The following RGS7BP variants were observed in gnomAD, a reference collection of about 807,000 sequenced individuals.
The protein encoded by RGS7BP is regulator of G protein signaling 7 binding protein.
In RGS7BP, 9 loss-of-function variants were observed where a neutral mutation model predicts 31.3. The observed-to-expected ratio is 0.29, with a 90% CI of 0.17 to 0.50. The LOEUF (loss-of-function observed/expected upper bound fraction) is 0.50. RGS7BP is among the 20% of genes least tolerant of loss of function. RGS7BP has a pLI of 0.98. For synonymous variants in RGS7BP, 115 were observed against 120.1 expected, an observed-to-expected ratio of 0.96 and a Z score of 0.28; for missense variants, 274 against 322.0, an observed-to-expected ratio of 0.85 and a Z score of 1.14.
intron 5 of RGS7BP, among the ~76,000 whole-genome samples, chr5:64,602,733 C>T (rs939041940): frequency 2.6e-5 from 4 of 152,092 alleles, no homozygotes; most frequent in African/African-American, 9.7e-5. Flanking sequence ...CACACACAAT[C>T]GGAAAGACGC....
chr5:64,610,007 T>C lies in RGS7BP; in HGVS notation c.*755T>C, dbSNP rs897836286. 9 of 152,440 alleles carry C rather than the reference T, an allele frequency of 5.9e-5. No individual in the cohort carries two copies. The Admixed American group carries it at 5.9e-4, about 10-fold the overall frequency. The allele number at this position is 152,440 out of a possible 1,614,324, so 9.4% of individuals were successfully genotyped here. ...AGAATGAAGTAATCCAGTTAGGAAA[T>C]GGTGTAGTAACATATACAATTGCCC... On this transcript the variant is annotated 3_prime_UTR_variant, in exon 6 of 6. Coordinates refer to ENST00000334025, the MANE Select transcript of RGS7BP (RefSeq NM_001029875.3).
chr5:64,609,210 G>T lies in RGS7BP; in HGVS notation c.732G>T (p.Arg244=). Residue 244 remains arginine (R), a synonymous_variant, in exon 6 of 6, where the codon CGG becomes CGT. Coordinates refer to ENST00000334025, the MANE Select transcript of RGS7BP (RefSeq NM_001029875.3). ...NLTPYPLVRR[R]KRRFFGLCCL... The stretch of plus-strand genomic sequence containing the variant: ...CTCCCTACCCCCTGGTGAGAAGACG[G>T]AAGAGAAGGTTCTTTGGGCTGTGTT... 6.2e-7 allele frequency: 1 copy of T among 1,611,668 alleles called. No homozygotes were observed. The highest frequency in any genetic ancestry group is 8.5e-7 in the Non-Finnish European group (1 of 1,178,112).
chr5:64,519,874 T>C (rs1178382883), intron 2 of RGS7BP, among the ~76,000 whole-genome samples: 1 of 152,184 alleles, frequency 6.6e-6, no homozygotes, highest in African/African-American at 2.4e-5. Context: ...CAGAGTGGCC[T>C]CATCATAGAG....
intron 2 of RGS7BP, among the ~76,000 whole-genome samples, chr5:64,527,322 C>A (rs1001536879): frequency 1.3e-5 from 2 of 152,106 alleles, no homozygotes; most frequent in Non-Finnish European, 2.9e-5. Flanking sequence ...GGCTCCACCC[C>A]AGATCAATTA....
At chr5:64,527,431 G>A (rs760744837) in intron 2 of RGS7BP, among the ~76,000 whole-genome samples, 5 of 152,152 alleles carry the variant, frequency 3.3e-5, no homozygotes, top group Admixed American at 6.5e-5. Context: ...TACTGGTATG[G>A]AGGAAAGAGG....
chr5:64,536,544 TCACAGA>T (rs1741366109), intron 2 of RGS7BP, among the ~76,000 whole-genome samples: 4 of 152,330 alleles, frequency 2.6e-5, no homozygotes, highest in Admixed American at 1.3e-4. Flanking sequence ...AGTGTGCAAA[TCACAGA>T]CATTACTTTC....
chr5:64,572,304 T>G (rs1472427993), intron 2 of RGS7BP, among the ~76,000 whole-genome samples: 1 of 152,198 alleles, frequency 6.6e-6, no homozygotes, highest in African/African-American at 2.4e-5. Context: ...ATAACGCAAA[T>G]GCTCTTAATG....
At chr5:64,577,950 T>C (rs1015914) in intron 3 of RGS7BP, among the ~76,000 whole-genome samples, 128,840 of 152,208 alleles carry the variant, frequency 0.85, 54,898 homozygotes, top group African/African-American at 0.91. Flanking sequence ...TCTCTACTCC[T>C]AGTCCTGCTG....
chr5:64,566,776 A>G (rs530968736), intron 2 of RGS7BP, among the ~76,000 whole-genome samples: 1 of 152,036 alleles, frequency 6.6e-6, no homozygotes, highest in South Asian at 2.1e-4. Context: ...CTGTATGGTC[A>G]CCACGGTTGC....
rs1743021336 is a variant in RGS7BP, at chr5:64,594,838, G to A, written c.592G>A (p.Asp198Asn). Residue 198 changes from aspartate to asparagine, a missense_variant, in exon 4 of 6, where the codon GAC becomes AAC. Physicochemically the swap from Asp to Asn is conservative, Grantham distance 23. Coordinates refer to ENST00000334025, the MANE Select transcript of RGS7BP (RefSeq NM_001029875.3). ...SQQHSWQVST[D>N]IENTERDMRE... is the part of the protein sequence containing the mutation. Reference sequence around the variant, plus strand: ...GCAACATTCCTGGCAGGTTTCCACAGACATTGAGAACACTGAAAGGTAAGT... The same window carrying A: ...GCAACATTCCTGGCAGGTTTCCACAAACATTGAGAACACTGAAAGGTAAGT... 2 of 1,613,514 alleles carry A rather than the reference G, an allele frequency of 1.2e-6. No individual in the cohort carries two copies. The highest frequency in any genetic ancestry group is 2.7e-5 in the African/African-American group (2 of 74,880).
At chr5:64,532,491 C>T (rs1460431634) in intron 2 of RGS7BP, among the ~76,000 whole-genome samples, 3 of 152,070 alleles carry the variant, frequency 2.0e-5, no homozygotes, top group African/African-American at 7.2e-5. Flanking sequence ...AAAATAATAA[C>T]CTTTTGTTTC....
intron 3 of RGS7BP, among the ~76,000 whole-genome samples, chr5:64,591,379 C>A (rs944009865): frequency 6.6e-6 from 1 of 151,916 alleles, no homozygotes; most frequent in Non-Finnish European, 1.5e-5. Flanking sequence ...AGAAGTTTAA[C>A]CTCGGTAGTA....
intron 2 of RGS7BP, among the ~76,000 whole-genome samples, chr5:64,539,105 A>G (rs902945339): frequency 6.6e-6 from 1 of 151,916 alleles, no homozygotes; most frequent in Non-Finnish European, 1.5e-5. Flanking sequence ...TGTGTTTTTA[A>G]TTTGCGTTCC....
chr5:64,559,517 TCAG>T (rs1245885874), intron 2 of RGS7BP, among the ~76,000 whole-genome samples: 9 of 152,202 alleles, frequency 5.9e-5, no homozygotes, highest in Non-Finnish European at 1.2e-4. Context: ...CTTCTCATCT[TCAG>T]CATTTTCTTA....
chr5:64,560,891 T>C (rs898609485), intron 2 of RGS7BP, among the ~76,000 whole-genome samples: 2 of 152,136 alleles, frequency 1.3e-5, no homozygotes, highest in African/African-American at 4.8e-5. Context: ...GAGAGAATAA[T>C]GACAGTCCAT....
chr5:64,592,550 G>A (rs1054149940), intron 3 of RGS7BP, among the ~76,000 whole-genome samples: 5 of 152,090 alleles, frequency 3.3e-5, no homozygotes, highest in Non-Finnish European at 5.9e-5. Context: ...TAAAAGGTGT[G>A]ATATGGAGGA....
intron 2 of RGS7BP, among the ~76,000 whole-genome samples, chr5:64,548,359 GT>G (rs1362385187): frequency 2.6e-5 from 4 of 152,144 alleles, no homozygotes; most frequent in Non-Finnish European, 5.9e-5. Flanking sequence ...CTTTATAAAA[GT>G]GACACTGAAA....
chr5:64,585,692 C>T (rs1446550600), intron 3 of RGS7BP, among the ~76,000 whole-genome samples: 1 of 152,240 alleles, frequency 6.6e-6, no homozygotes, highest in Middle Eastern at 3.4e-3. Flanking sequence ...AATAACCAAC[C>T]TTTCAATTTG....
chr5:64,539,147 A>G (rs1344066373), intron 2 of RGS7BP, among the ~76,000 whole-genome samples: 1 of 152,176 alleles, frequency 6.6e-6, no homozygotes, highest in African/African-American at 2.4e-5. Flanking sequence ...GAATCTGCTT[A>G]TGTGCTATTT....
Sources: allele counts gnomAD v4.1 joint callset (sites outside exome capture counted in the v4.1 genomes callset), GRCh38; gene constraint gnomAD v4.1.1; transcripts MANE v1.5; gene names NCBI Gene and HGNC (gene_info 2026-07-23, HGNC 2026-07-21).